Variants in ENO1 observed in about 807,000 individuals in gnomAD.
ENO1 encodes enolase 1.
ENO1 carries 33 observed loss-of-function variants against 46.3 expected under a neutral mutation model. The ratio of observed to expected loss-of-function variants is 0.71; its 90% confidence interval spans 0.54 to 0.95. ENO1 has a LOEUF of 0.95. Among genes scored for constraint, ENO1 ranks in the 40% least tolerant of loss-of-function variants. The pLI is 0.00. For synonymous variants in ENO1, 220 were observed against 216.0 expected, an observed-to-expected ratio of 1.02 and a Z score of -0.16; for missense variants, 488 against 553.3, an observed-to-expected ratio of 0.88 and a Z score of 1.18.
chr1:8,872,288 C>T (rs1430885062), intron 2 of ENO1, among the ~76,000 whole-genome samples: 1 of 152,186 alleles, frequency 6.6e-6, no homozygotes. Flanking sequence ...AAATATGCAT[C>T]CCTCACAAGC....
chr1:8,862,668 G>C (rs1642429682), intron 11 of ENO1, among the ~76,000 whole-genome samples: 1 of 152,236 alleles, frequency 6.6e-6, no homozygotes. Flanking sequence ...TGTGGAACAG[G>C]CTCCTGCCTC....
At chr1:8,872,882 G>T (rs1338627532) in intron 2 of ENO1, among the ~76,000 whole-genome samples, 1 of 152,170 alleles carries the variant, frequency 6.6e-6, no homozygotes, top group East Asian at 1.9e-4. Flanking sequence ...TGTAAGAACT[G>T]AACCAAGTAA....
intron 4 of ENO1, among the ~76,000 whole-genome samples, chr1:8,869,943 G>A (rs954168351): frequency 6.6e-6 from 1 of 152,184 alleles, no homozygotes. Flanking sequence ...CCGAAGGGAG[G>A]GTAAATGAGA....
intron 1 of ENO1, among the ~76,000 whole-genome samples, chr1:8,876,820 C>G (rs1167900362): frequency 6.6e-6 from 1 of 150,626 alleles, no homozygotes; most frequent in Admixed American, 6.6e-5. Context: ...AGACAAACGT[C>G]TTAGGATGTG....
Position 8,861,135 on chromosome 1 carries a change from A to T in ENO1, c.*225T>A, listed in dbSNP as rs28999102. 359 of 519,014 alleles carry T rather than the reference A, an allele frequency of 6.9e-4. 1 individual carries two copies. In the East Asian group the frequency reaches 9.4e-3, roughly 14 times the overall value. The allele number at this position is 519,014 out of a possible 1,614,324, so 32.2% of individuals were successfully genotyped here. On this transcript the variant is annotated 3_prime_UTR_variant, in exon 12 of 12. Transcript: ENST00000234590. The stretch of plus-strand genomic sequence containing the variant: ...GGAAAGTGAGGCGAGAAAAACAATG[A>T]CTTGGGCCAATTACACGACTGCAAA...
At chr1:8,867,932 A>G (rs2124078669) in intron 5 of ENO1, 56 bp downstream of exon 5, 1 of 1,508,114 alleles carries the variant, frequency 6.6e-7, no homozygotes, top group East Asian at 2.3e-5. Flanking sequence ...AGGTTTTAAA[A>G]TCTTCAGGAG....
chr1:8,865,283 A>G lies in ENO1; in HGVS notation c.865+2T>C. On this transcript the variant is annotated splice_donor_variant, in intron 8 of 11. Coordinates refer to ENST00000234590, the MANE Select transcript of ENO1 (RefSeq NM_001428.5). LOFTEE classifies it high-confidence loss of function. ...GGGAGATGGCACTCGGGGAACACTC[A>G]CCTGGGTAGTCCTTGATGAAGGACT... is the stretch of plus-strand genomic sequence containing the variant. 1 of 1,613,968 alleles carries G rather than the reference A, an allele frequency of 6.2e-7. No individual in the cohort carries two copies. The highest frequency in any genetic ancestry group is 1.1e-5 in the South Asian group (1 of 91,072).
intron 8 of ENO1, among the ~76,000 whole-genome samples, chr1:8,864,615 T>C (rs1642472405): frequency 6.6e-6 from 1 of 152,312 alleles, no homozygotes; most frequent in Middle Eastern, 3.4e-3. Context: ...CTCAAAAATT[T>C]TGTTTAAGAC....
intron 5 of ENO1, 78 bp from the exon 6 acceptor site, chr1:8,867,328 T>G (rs534407998): frequency 2.5e-6 from 4 of 1,570,626 alleles, no homozygotes; most frequent in Admixed American, 1.8e-5. Context: ...GCCCTGAGGG[T>G]TGTATTCTGC....
In ENO1 at chr1:8,861,333, T is replaced by G; in HGVS notation, c.*27A>C. 2 of 1,612,780 alleles carry G rather than the reference T, an allele frequency of 1.2e-6. No individual in the cohort carries two copies. Among genetic ancestry groups the G allele is most frequent in the Non-Finnish European group, 1.7e-6 (2 of 1,179,808 alleles). On this transcript the variant is annotated 3_prime_UTR_variant, in exon 12 of 12. Coordinates refer to ENST00000234590, the MANE Select transcript of ENO1 (RefSeq NM_001428.5). ...GGGAGGGGTCTGTGTAGCCAACAGG[T>G]GACCGAAGGGCTTGCCTGCCCACAG...
chr1:8,863,024 G>C, intron 10 of ENO1, 79 bp from the exon 11 acceptor site: 4 of 1,557,882 alleles, frequency 2.6e-6, no homozygotes, highest in African/African-American at 1.4e-5. Flanking sequence ...TGTGGTGTCA[G>C]AGAGAGAATT....
At chr1:8,868,184 A>G in intron 4 of ENO1, 127 bp from the exon 5 acceptor site, 1 of 767,662 alleles carries the variant, frequency 1.3e-6, no homozygotes, top group South Asian at 1.8e-5. Context: ...TTTGTTTTAT[A>G]AGCAAAAAAA....
At chr1:8,870,876 G>A in intron 3 of ENO1, 1 of 1,271,188 alleles carries the variant, frequency 7.9e-7, no homozygotes, top group Non-Finnish European at 9.9e-7. Context: ...TAATGGGTCT[G>A]GAGACGCCTG....
intron 11 of ENO1, 24 bp downstream of exon 11, chr1:8,862,863 C>CT: frequency 6.2e-7 from 1 of 1,613,006 alleles, no homozygotes; most frequent in Non-Finnish European, 8.5e-7. Context: ...CCACAGGCCC[C>CT]TTGTTCTCAG....
At chr1:8,870,664 G>T (rs1454584546) in intron 3 of ENO1, 154 bp from the exon 4 acceptor site, 2 of 1,487,202 alleles carry the variant, frequency 1.3e-6, no homozygotes, top group African/African-American at 2.8e-5. Flanking sequence ...CCCCAGAATC[G>T]GAGGACTTTC....
intron 1 of ENO1, among the ~76,000 whole-genome samples, chr1:8,875,169 C>T (rs947759721): frequency 1.3e-5 from 2 of 152,124 alleles, no homozygotes; most frequent in Admixed American, 1.3e-4. Flanking sequence ...ATTACTGGAA[C>T]GCTAAGGGCG....
intron 7 of ENO1, 27 bp downstream of exon 7, chr1:8,866,252 G>T (rs368373202): frequency 2.4e-5 from 38 of 1,600,604 alleles, no homozygotes; most frequent in Middle Eastern, 1.7e-4. Flanking sequence ...AGGGCTGGGT[G>T]GGGGGGCGGT....
chr1:8,874,985 G>C, intron 1 of ENO1, 68 bp from the exon 2 acceptor site: 2 of 1,359,520 alleles, frequency 1.5e-6, no homozygotes, highest in Non-Finnish European at 1.0e-6. Flanking sequence ...CTCATTCAAG[G>C]AATCACTTCC....
intron 1 of ENO1, chr1:8,875,815 T>C (rs777129937): frequency 6.6e-6 from 1 of 152,196 alleles, no homozygotes; most frequent in Non-Finnish European, 1.5e-5. Context: ...GGTCTCACTA[T>C]GCTGCCCAGG....
Sources: gnomAD v4.1 joint callset for allele counts (sites outside exome capture counted in the v4.1 genomes callset) on GRCh38, gnomAD v4.1.1 for gene constraint, MANE v1.5 for transcripts, NCBI Gene and HGNC (gene_info 2026-07-23, HGNC 2026-07-21) for gene names.